The following ABCA13 variants were observed in gnomAD, a reference collection of about 807,000 sequenced individuals.
ABCA13 encodes the protein ATP binding cassette subfamily A member 13.
In ABCA13, 476 loss-of-function variants were observed where a neutral mutation model predicts 478.7. That is an observed-to-expected ratio of 0.99 (90% confidence interval 0.92 to 1.07). The LOEUF (loss-of-function observed/expected upper bound fraction) is 1.07. Among genes scored for constraint, ABCA13 ranks in the 50% least tolerant of loss-of-function variants. The probability of loss-of-function intolerance (pLI) is 0.00; values close to 1 mark genes in which losing one functional copy is unlikely to be tolerated. For missense variants in ABCA13, 6,060 were observed against 5,910.6 expected, an observed-to-expected ratio of 1.03 and a Z score of -0.83; for synonymous variants, 2,252 against 2,158.9, an observed-to-expected ratio of 1.04 and a Z score of -1.20.
chr7:48,391,519 G>T (rs1816045647), intron 37 of ABCA13, among the ~76,000 whole-genome samples: 1 of 152,168 alleles, frequency 6.6e-6, no homozygotes. Context: ...AATACGCTTT[G>T]TGATAGATGA....
In ABCA13 at chr7:48,278,829, C is replaced by G; in HGVS notation, c.7635C>G (p.Ile2545Met). 6.2e-7 allele frequency: 1 copy of G among 1,613,734 alleles called. No individual in the cohort carries two copies. Among genetic ancestry groups the G allele is most frequent in the Non-Finnish European group, 8.5e-7 (1 of 1,179,882 alleles). ...KMSTVFKTHFISNTKDSVKFF... is the reference protein window; with the variant it reads ...KMSTVFKTHFMSNTKDSVKFF... ...CCACAGTTTTTAAAACTCATTTTAT[C>G]TCCAATACCAAGGACAGTGTGAAAT... Residue 2545 changes from isoleucine to methionine, a missense_variant, in exon 18 of 62, where the codon ATC (isoleucine) becomes ATG (methionine). Around this residue, in one of 3 missense-constraint regions of ABCA13, gnomAD observed 4,423 missense variants for 4,309.1 expected, o/e 1.03. Coordinates refer to ENST00000435803, the MANE Select transcript of ABCA13 (RefSeq NM_152701.5).
intron 55 of ABCA13, among the ~76,000 whole-genome samples, chr7:48,551,910 T>C (rs56798342): frequency 0.14 from 21,169 of 151,694 alleles, 2,040 homozygotes; most frequent in African/African-American, 0.23. Context: ...ACAGTCAGCA[T>C]GCAATGGAGA....
chr7:48,329,011 A>G (rs1804773283), intron 27 of ABCA13, among the ~76,000 whole-genome samples: 1 of 152,226 alleles, frequency 6.6e-6, no homozygotes, highest in South Asian at 2.1e-4. Flanking sequence ...GCACATGCAA[A>G]CAAGGATATT....
intron 59 of ABCA13, among the ~76,000 whole-genome samples, chr7:48,617,003 C>T (rs956150817): frequency 5.3e-5 from 8 of 152,100 alleles, no homozygotes; most frequent in African/African-American, 1.9e-4. Context: ...CACTACACTC[C>T]AGCCTGCGTG....
intron 41 of ABCA13, among the ~76,000 whole-genome samples, chr7:48,425,723 AAT>A (rs1821308027): frequency 2.5e-5 from 2 of 78,796 alleles, no homozygotes; most frequent in African/African-American, 4.0e-5. Context: ...ACAATCCTAT[AAT>A]ATGTCTTATT....
Position 48,594,762 on chromosome 7 carries a change from C to T in ABCA13, c.14693C>T (p.Thr4898Ile). 7 of 1,613,918 alleles carry T rather than the reference C, an allele frequency of 4.3e-6. No homozygotes were observed. The highest frequency in any genetic ancestry group is 5.1e-6 in the Non-Finnish European group (6 of 1,179,836). The change falls in exon 58 of 62, where the codon ACA (threonine) becomes ATA (isoleucine). Residue 4898 changes from threonine to isoleucine, a missense_variant. Transcript: ENST00000435803. ...TGCTCTAAGCGGTACCTGTGGCAAA[C>T]AATAATGAAGGAGGTTCGGGAAGGC... Reference protein sequence around the residue: ...DPCSKRYLWQTIMKEVREGCA... With the variant: ...DPCSKRYLWQIIMKEVREGCA...
chr7:48,395,400 C>G (rs1188155434), intron 38 of ABCA13, among the ~76,000 whole-genome samples: 1 of 152,178 alleles, frequency 6.6e-6, no homozygotes, highest in African/African-American at 2.4e-5. Flanking sequence ...CCATGGTATT[C>G]CCCAGATGTC....
chr7:48,346,166 G>T lies in ABCA13; in HGVS notation c.10205-4477G>T, dbSNP rs1034768348. 1.6e-4 allele frequency among the ~76,000 whole-genome samples: 25 copies of T among 151,970 alleles called. 1 individual carries two copies. Among genetic ancestry groups the T allele is most frequent in the Non-Finnish European group, 2.9e-5 (2 of 68,004 alleles). On this transcript the variant is annotated intron_variant, in intron 29 of 61. Transcript: ENST00000435803. ...TTGCCTAATGCTGCCTTTTTATGCC[G>T]CATTTCTCAGAATGCATCCTCATGA...
intron 39 of ABCA13, among the ~76,000 whole-genome samples, chr7:48,405,027 A>T (rs1293426610): frequency 6.6e-6 from 1 of 152,246 alleles, no homozygotes. Context: ...TGGTGCAGCC[A>T]CATCGGAGTT....
intron 41 of ABCA13, among the ~76,000 whole-genome samples, chr7:48,419,135 TA>T (rs1298949574): frequency 7.9e-5 from 12 of 152,186 alleles, no homozygotes; most frequent in Non-Finnish European, 1.5e-4. Flanking sequence ...GGGATGGGGC[TA>T]AACCATTCAT....
At position 48,374,912 on chromosome 7, in the gene ABCA13, C is replaced by T. The variant is rs145259109; in HGVS notation, c.11203+496C>T. On this transcript the variant is annotated intron_variant, in intron 34 of 61. Coordinates refer to ENST00000435803, the MANE Select transcript of ABCA13 (RefSeq NM_152701.5). ...CACGTTATCGCCTGAGCTCCACCTC[C>T]TGTCAGGTCAGTGGGGCCATTAGAT... is the stretch of plus-strand genomic sequence containing the variant. Among the ~76,000 whole-genome samples, 97 of 152,274 alleles carry T rather than the reference C, an allele frequency of 6.4e-4. 1 individual carries two copies. Among genetic ancestry groups the T allele is most frequent in the African/African-American group, 2.3e-3 (94 of 41,566 alleles).
At chr7:48,231,735 C>T (rs1465529971) in intron 7 of ABCA13, among the ~76,000 whole-genome samples, 1 of 152,128 alleles carries the variant, frequency 6.6e-6, no homozygotes, top group African/African-American at 2.4e-5. Flanking sequence ...GATCTTGGCT[C>T]ATTGCAACCT....
At chr7:48,575,728 G>T (rs1229084180) in intron 55 of ABCA13, among the ~76,000 whole-genome samples, 1 of 152,080 alleles carries the variant, frequency 6.6e-6, no homozygotes, top group Non-Finnish European at 1.5e-5. Flanking sequence ...CTGAGTTGTG[G>T]CTTTTGGTAC....
At chr7:48,523,038 A>G (rs1424953388) in intron 53 of ABCA13, among the ~76,000 whole-genome samples, 8 of 152,198 alleles carry the variant, frequency 5.3e-5, no homozygotes, top group African/African-American at 1.9e-4. Context: ...CACAAATTGA[A>G]CACATTGATG....
chr7:48,448,431 G>C (rs1243958587), intron 42 of ABCA13, among the ~76,000 whole-genome samples: 2 of 152,162 alleles, frequency 1.3e-5, no homozygotes, highest in African/African-American at 2.4e-5. Flanking sequence ...TTCAGTATAG[G>C]TTTAATCAAA....
intron 59 of ABCA13, among the ~76,000 whole-genome samples, chr7:48,629,964 C>T (rs1397351811): frequency 1.3e-5 from 2 of 152,170 alleles, no homozygotes; most frequent in East Asian, 1.9e-4. Flanking sequence ...CTGCTACAAC[C>T]TCCAAACATT....
chr7:48,229,504 G>A (rs1168922996), intron 6 of ABCA13, among the ~76,000 whole-genome samples: 1 of 152,212 alleles, frequency 6.6e-6, no homozygotes, highest in Admixed American at 6.5e-5. Flanking sequence ...CTGCCCTGCG[G>A]CAGGAAGAAT....
intron 27 of ABCA13, among the ~76,000 whole-genome samples, chr7:48,334,992 T>C: frequency 6.6e-6 from 1 of 152,246 alleles, no homozygotes; most frequent in Middle Eastern, 3.2e-3. Flanking sequence ...CTTATGCCAG[T>C]GTACTCTGCC....
chr7:48,498,157 G>C (rs1830438614), intron 48 of ABCA13, among the ~76,000 whole-genome samples: 1 of 152,158 alleles, frequency 6.6e-6, no homozygotes, highest in Non-Finnish European at 1.5e-5. Flanking sequence ...GTCTCTGTCA[G>C]GTGGGGAGTG....
Sources: gnomAD v4.1 joint callset for allele counts (sites outside exome capture counted in the v4.1 genomes callset) on GRCh38, gnomAD v4.1.1 for gene constraint, gnomAD v4.1.1 regional missense constraint, MANE v1.5 for transcripts, NCBI Gene and HGNC (gene_info 2026-07-23, HGNC 2026-07-21) for gene names.